Variants in RHBDL2 observed in about 807,000 individuals in gnomAD.
RHBDL2 encodes the protein rhomboid-related protein 2.
RHBDL2 carries 26 observed loss-of-function variants against 31.7 expected under a neutral mutation model. That is an observed-to-expected ratio of 0.82 (90% CI 0.60 to 1.14). RHBDL2 has a LOEUF of 1.14. Ranked by LOEUF, RHBDL2 falls within the 50% of genes most tolerant of loss-of-function variation. RHBDL2 has a pLI of 0.00. For missense variants in RHBDL2, 336 were observed against 364.4 expected (o/e 0.92, Z 0.63); for synonymous variants, 123 against 127.2 (o/e 0.97, Z 0.22).
chr1:38,893,267 C>T (rs1557608374), intron 5 of RHBDL2, 43 bp from the exon 6 acceptor site: 1 of 920,156 alleles, frequency 1.1e-6, no homozygotes. Context: ...TATCTATGGA[C>T]AAATGAAACC....
intron 1 of RHBDL2, among the ~76,000 whole-genome samples, chr1:38,922,863 C>G (rs189540541): frequency 6.6e-6 from 1 of 151,960 alleles, no homozygotes; most frequent in African/African-American, 2.4e-5. Context: ...AGGCCGAGGT[C>G]GGTGGATCAC....
intron 4 of RHBDL2, among the ~76,000 whole-genome samples, chr1:38,897,227 A>T (rs1306286419): frequency 6.6e-6 from 1 of 151,534 alleles, no homozygotes; most frequent in Non-Finnish European, 1.5e-5. Context: ...CAGCCTCCCG[A>T]GCAGCTGGGA....
At chr1:38,892,781 C>A (rs1642870425) in intron 6 of RHBDL2, among the ~76,000 whole-genome samples, 2 of 152,168 alleles carry the variant, frequency 1.3e-5, no homozygotes, top group Admixed American at 6.5e-5. Context: ...CAATTGAATT[C>A]TCCACAAGCC....
Position 38,935,833 on chromosome 1 carries a change from C to T in RHBDL2, c.-126+5849G>A, listed in dbSNP as rs528309010. Among the ~76,000 whole-genome samples, 44 of 152,160 alleles carry T rather than the reference C, an allele frequency of 2.9e-4. No homozygotes were observed. In the South Asian group the frequency reaches 8.9e-3, roughly 31 times the overall value. ...TTAGCCATGTCGCCCATGCTGGTCT[C>T]GAACTCCTGAGCTCAAGCGATCTGC... On this transcript the variant is annotated intron_variant, in intron 1 of 7. Transcript: ENST00000372990.
At chr1:38,897,072 G>GAGA (rs752424648) in intron 4 of RHBDL2, among the ~76,000 whole-genome samples, 2 of 151,888 alleles carry the variant, frequency 1.3e-5, no homozygotes, top group Non-Finnish European at 2.9e-5. Context: ...TGAGGAGGAG[G>GAGA]AGATAGCATT....
At chr1:38,894,521 C>G (rs1177145298) in intron 5 of RHBDL2, among the ~76,000 whole-genome samples, 1 of 151,662 alleles carries the variant, frequency 6.6e-6, no homozygotes, top group Non-Finnish European at 1.5e-5. Context: ...CGGGGTTTCA[C>G]CACGTTGGCC....
rs960986676 is a variant in RHBDL2 at position 38,929,603 on chromosome 1, G to A, written c.-125-10266C>T. ...CCAGGCAGGCCCCTGCCGGGGCTGAGACCCGCCTTGATGTGGCTGGGGAGC... is the reference window on the plus strand; with the variant it reads ...CCAGGCAGGCCCCTGCCGGGGCTGAAACCCGCCTTGATGTGGCTGGGGAGC... On this transcript the variant is annotated intron_variant, in intron 1 of 7. Coordinates refer to ENST00000372990, the MANE Select transcript of RHBDL2 (RefSeq NM_017821.5). 9 of 1,271,438 alleles carry A rather than the reference G, an allele frequency of 7.1e-6. No individual in the cohort carries two copies. The African/African-American group carries it at 1.4e-4, about 19-fold the overall frequency. The allele number at this position is 1,271,438 out of a possible 1,614,324, so 78.8% of individuals were successfully genotyped here.
At chr1:38,911,887 A>G (rs1024513670) in intron 3 of RHBDL2, among the ~76,000 whole-genome samples, 3 of 152,074 alleles carry the variant, frequency 2.0e-5, no homozygotes, top group East Asian at 3.9e-4. Context: ...GCTCACTGCA[A>G]TCTCTGCCTC....
intron 1 of RHBDL2, among the ~76,000 whole-genome samples, chr1:38,930,991 A>G (rs1482751885): frequency 6.6e-6 from 1 of 152,178 alleles, no homozygotes; most frequent in Non-Finnish European, 1.5e-5. Flanking sequence ...CATCAGAATC[A>G]TCTGGGGAGG....
At chr1:38,920,770 C>G (rs1643302606) in intron 1 of RHBDL2, among the ~76,000 whole-genome samples, 1 of 143,844 alleles carries the variant, frequency 7.0e-6, no homozygotes, top group Admixed American at 6.8e-5. Flanking sequence ...CCACACCTGG[C>G]TAATTTTTTT....
chr1:38,906,651 G>C (rs1214082848), intron 4 of RHBDL2, among the ~76,000 whole-genome samples: 3 of 150,604 alleles, frequency 2.0e-5, no homozygotes, highest in Non-Finnish European at 4.4e-5. Context: ...TCCAGCCTGG[G>C]CGACAGAGCG....
intron 1 of RHBDL2, among the ~76,000 whole-genome samples, chr1:38,933,605 A>C (rs975533030): frequency 3.3e-5 from 5 of 152,120 alleles, no homozygotes; most frequent in African/African-American, 4.8e-5. Flanking sequence ...TCCTTGCTCC[A>C]ATTCTGCCCC....
chr1:38,904,778 T>A (rs1643040320), intron 4 of RHBDL2, among the ~76,000 whole-genome samples: 1 of 150,104 alleles, frequency 6.7e-6, no homozygotes, highest in Non-Finnish European at 1.5e-5. Context: ...ACGCCTGTAA[T>A]CCCAGCACTT....
intron 4 of RHBDL2, among the ~76,000 whole-genome samples, chr1:38,901,047 CTAAATAGA>C (rs1049990397): frequency 2.2e-5 from 2 of 90,016 alleles, no homozygotes; most frequent in Non-Finnish European, 4.3e-5. Flanking sequence ...GACTCCATCT[CTAAATAGA>C]TAAATAAATA....
rs1643490575 is a variant in RHBDL2, at chr1:38,935,615, CGTTTT to C, written c.-126+6062_-126+6066del. Among the ~76,000 whole-genome samples the C allele has an allele frequency of 1.3e-5, 2 of 151,914 alleles. 1 individual carries two copies. Among genetic ancestry groups the C allele is most frequent in the South Asian group, 4.1e-4 (2 of 4,820 alleles). ...CATAATTAGCATTGAGCAAATTTTT[CGTTTT>C]GTTTTGTTTTGAGACAGGGTCTCAC... is the stretch of plus-strand genomic sequence containing the variant. On this transcript the variant is annotated intron_variant, in intron 1 of 7. Transcript: ENST00000372990.
chr1:38,912,864 C>A (rs188604807), intron 3 of RHBDL2, among the ~76,000 whole-genome samples: 2 of 137,882 alleles, frequency 1.5e-5, no homozygotes, highest in African/African-American at 5.8e-5. Context: ...GACAAGGAAG[C>A]TAAGTAACTA....
intron 4 of RHBDL2, among the ~76,000 whole-genome samples, chr1:38,900,233 A>C (rs1306621756): frequency 1.3e-5 from 2 of 152,212 alleles, no homozygotes; most frequent in African/African-American, 4.8e-5. Context: ...CAGCCTGGCC[A>C]ACATGGTGAA....
intron 4 of RHBDL2, among the ~76,000 whole-genome samples, chr1:38,908,582 G>C (rs1234667215): frequency 6.7e-6 from 1 of 148,500 alleles, no homozygotes; most frequent in Non-Finnish European, 1.5e-5. Context: ...AATGGGAAAA[G>C]TTCCCTTGTC....
chr1:38,938,672 ACT>A (rs1370809435), intron 1 of RHBDL2, among the ~76,000 whole-genome samples: 1 of 152,064 alleles, frequency 6.6e-6, no homozygotes, highest in Non-Finnish European at 1.5e-5. Context: ...AAACTAAAAG[ACT>A]CTGTCCTTTA....
Sources: allele counts gnomAD v4.1 joint callset (sites outside exome capture counted in the v4.1 genomes callset), GRCh38; gene constraint gnomAD v4.1.1; transcripts MANE v1.5; gene names NCBI Gene and HGNC (gene_info 2026-07-23, HGNC 2026-07-21).